The following ADCY10 variants were observed in gnomAD, a reference collection of about 807,000 sequenced individuals.
The protein encoded by ADCY10 is adenylate cyclase type 10.
A neutral mutation model predicts 183.3 loss-of-function variants in ADCY10; 156 were observed. The observed-to-expected ratio is 0.85, with a 90% CI of 0.75 to 0.97. The LOEUF is 0.97. Ranked by LOEUF, ADCY10 falls within the 50% of genes least tolerant of loss-of-function variation. ADCY10 has a pLI of 0.00. For synonymous variants in ADCY10, 645 were observed against 670.0 expected (o/e 0.96, Z 0.58); for missense variants, 1,745 against 1,934.3 (o/e 0.90, Z 1.84).
chr1:167,827,136 G>A (rs1432898824), intron 26 of ADCY10, among the ~76,000 whole-genome samples: 1 of 151,674 alleles, frequency 6.6e-6, no homozygotes, highest in Non-Finnish European at 1.5e-5. Flanking sequence ...GACAACTAAT[G>A]ACTCCAGGAG....
In ADCY10 at chr1:167,901,783, C is replaced by G. The variant is rs762886829; in HGVS notation, c.315G>C (p.Trp105Cys). 1.5e-5 allele frequency: 24 copies of G among 1,614,194 alleles called. No individual in the cohort carries two copies. The South Asian group carries it at 2.6e-4, about 18-fold the overall frequency. ...TTTTCAGCTGCTTTCGCTCCACCCT[C>G]CACAGGGCTAGCAGTGCATCACCTT... ...KFAGDALLAL[W>C]RVERKQLKNI... is the part of the protein sequence containing the mutation. Residue 105 changes from tryptophan (W) to cysteine (C), a missense_variant, in exon 5 of 33, where the codon TGG (tryptophan) becomes TGC (cysteine). Trp to Cys is a radical substitution (Grantham distance 215). Coordinates refer to ENST00000367851, the MANE Select transcript of ADCY10 (RefSeq NM_018417.6).
At chr1:167,882,650 C>T (rs1432451164) in intron 9 of ADCY10, among the ~76,000 whole-genome samples, 2 of 151,996 alleles carry the variant, frequency 1.3e-5, no homozygotes, top group Non-Finnish European at 2.9e-5. Flanking sequence ...AGACTCCTGA[C>T]CTGAAACCCC....
At chr1:167,891,262 T>G (rs1463717231) in intron 8 of ADCY10, among the ~76,000 whole-genome samples, 1 of 151,588 alleles carries the variant, frequency 6.6e-6, no homozygotes, top group South Asian at 2.1e-4. Context: ...GCTTGGCTCA[T>G]CTAACATTTA....
chr1:167,904,478 A>G, intron 2 of ADCY10: 1 of 213,254 alleles, frequency 4.7e-6, no homozygotes, highest in Non-Finnish European at 9.3e-6. Flanking sequence ...CTATTATTTT[A>G]GGGGTCAGGA....
intron 8 of ADCY10, 78 bp downstream of exon 8, chr1:167,893,775 T>C: frequency 1.0e-6 from 1 of 959,214 alleles, no homozygotes; most frequent in Non-Finnish European, 1.6e-6. Context: ...CTGCTGTTTT[T>C]TTTTTCTTAA....
intron 21 of ADCY10, among the ~76,000 whole-genome samples, chr1:167,838,488 G>C (rs983665250): frequency 6.6e-6 from 1 of 152,128 alleles, no homozygotes; most frequent in African/African-American, 2.4e-5. Flanking sequence ...CCTTTTCACT[G>C]ATTCTTTTAG....
At chr1:167,884,403 G>T (rs1465777342) in intron 8 of ADCY10, among the ~76,000 whole-genome samples, 1 of 151,938 alleles carries the variant, frequency 6.6e-6, no homozygotes, top group Admixed American at 6.6e-5. Context: ...GAACAGCAAG[G>T]GTATAATCCA....
intron 18 of ADCY10, 80 bp from the exon 19 acceptor site, chr1:167,848,569 G>A (rs1665232937): frequency 1.3e-6 from 2 of 1,493,964 alleles, no homozygotes; most frequent in African/African-American, 2.8e-5. Flanking sequence ...ACTTTGAGAT[G>A]GATCTCATAT....
intron 31 of ADCY10, among the ~76,000 whole-genome samples, chr1:167,813,181 T>TA (rs1340389898): frequency 2.0e-5 from 3 of 151,982 alleles, no homozygotes; most frequent in African/African-American, 7.2e-5. Flanking sequence ...AAGATAAACT[T>TA]AAAGAGATAC....
chr1:167,899,255 C>T (rs1385955626), intron 6 of ADCY10, among the ~76,000 whole-genome samples, 168 bp downstream of exon 6: 2 of 152,198 alleles, frequency 1.3e-5, no homozygotes, highest in African/African-American at 2.4e-5. Flanking sequence ...TGGGCTCCTC[C>T]CAGAGGAGCT....
intron 14 of ADCY10, among the ~76,000 whole-genome samples, chr1:167,867,790 AG>A (rs1389185219): frequency 1.3e-5 from 2 of 152,100 alleles, no homozygotes; most frequent in African/African-American, 4.8e-5. Context: ...AAAAAAAAAA[AG>A]TTACACAGCA....
At chr1:167,820,039 T>C (rs1188054675) in intron 30 of ADCY10, 2 of 1,579,148 alleles carry the variant, frequency 1.3e-6, no homozygotes, top group East Asian at 4.5e-5. Context: ...CTCCCAGTTC[T>C]ACGTTTCAAA....
rs143144191 is a variant in ADCY10, at chr1:167,900,946, G to A, written c.436+716C>T. ...CAGGTATGACATGTGAGAATTCTAA[G>A]TTTTGCAAAGTTTAGTTAGGCGGAA... On this transcript the variant is annotated intron_variant, in intron 5 of 32. Coordinates refer to ENST00000367851, the MANE Select transcript of ADCY10 (RefSeq NM_018417.6). Among the ~76,000 whole-genome samples the A allele has an allele frequency of 1.6e-4, 24 of 152,278 alleles. No homozygotes were observed. In the East Asian group the frequency reaches 4.4e-3, roughly 28 times the overall value.
chr1:167,816,609 C>T (rs139749218), intron 31 of ADCY10, among the ~76,000 whole-genome samples: 25 of 152,046 alleles, frequency 1.6e-4, no homozygotes, highest in Admixed American at 9.8e-4. Context: ...GGAACAACAA[C>T]AAAAAAAGAA....
intron 8 of ADCY10, among the ~76,000 whole-genome samples, chr1:167,883,865 C>T (rs1012889364): frequency 1.3e-5 from 2 of 152,174 alleles, no homozygotes; most frequent in Non-Finnish European, 2.9e-5. Context: ...CTCCATTACC[C>T]CAACTGCTGG....
At chr1:167,828,056 C>T (rs1433568615) in intron 26 of ADCY10, among the ~76,000 whole-genome samples, 1 of 152,134 alleles carries the variant, frequency 6.6e-6, no homozygotes, top group African/African-American at 2.4e-5. Context: ...AGTGAAAGAC[C>T]TTAAAATGGG....
intron 14 of ADCY10, among the ~76,000 whole-genome samples, chr1:167,863,444 GA>G (rs1409767168): frequency 3.3e-5 from 5 of 151,996 alleles, no homozygotes; most frequent in East Asian, 1.9e-4. Flanking sequence ...CCTTAAAAGG[GA>G]CAGAAGTTGA....
Position 167,880,279 on chromosome 1 carries a change from T to C in ADCY10, c.1140-88A>G, listed in dbSNP as rs1040571823. ...GGAAGGGTGGGAAATAATGTCTGGG[T>C]TGGGAAAGGGTGGGAAAGGATTTTC... On this transcript the variant is annotated intron_variant, in intron 10 of 32. Coordinates refer to ENST00000367851, the MANE Select transcript of ADCY10 (RefSeq NM_018417.6). 16 of 1,280,542 alleles carry C rather than the reference T, an allele frequency of 1.2e-5. No homozygotes were observed. The Admixed American group carries it at 1.3e-4, about 11-fold the overall frequency. The allele number at this position is 1,280,542 out of a possible 1,614,324, so 79.3% of individuals were successfully genotyped here.
intron 28 of ADCY10, among the ~76,000 whole-genome samples, chr1:167,824,246 C>T (rs1333012924): frequency 6.6e-6 from 1 of 152,014 alleles, no homozygotes; most frequent in Non-Finnish European, 1.5e-5. Flanking sequence ...TTGTCTAAAC[C>T]CGGAAGGCAG....
Sources: allele counts gnomAD v4.1 joint callset (sites outside exome capture counted in the v4.1 genomes callset), GRCh38; gene constraint gnomAD v4.1.1; transcripts MANE v1.5; gene names NCBI Gene and HGNC (gene_info 2026-07-23, HGNC 2026-07-21).